GLB1: variants seen among roughly 807,000 people sequenced by gnomAD.
The protein encoded by GLB1 is galactosidase beta 1.
Under a neutral mutation model 74.0 loss-of-function variants are expected in GLB1, and 56 were observed. The observed-to-expected ratio is 0.76, with a 90% CI of 0.61 to 0.94. GLB1 has a LOEUF of 0.94. GLB1 is among the 40% of genes least tolerant of loss of function. The pLI is 0.00. For missense variants in GLB1, 787 were observed against 845.5 expected (o/e 0.93, Z 0.86); for synonymous variants, 323 against 323.6 (o/e 1.00, Z 0.02).
At chr3:33,061,694 T>A (rs904119468) in intron 5 of GLB1, 3 of 152,228 alleles carry the variant, frequency 2.0e-5, no homozygotes, top group Non-Finnish European at 2.9e-5. Context: ...TAAATAGGCT[T>A]ATTACCTCAT....
intron 6 of GLB1, among the ~76,000 whole-genome samples, 161 bp from the exon 7 acceptor site, chr3:33,053,710 T>G (rs935617182): frequency 6.6e-6 from 1 of 152,204 alleles, no homozygotes; most frequent in South Asian, 2.1e-4. Context: ...AAGATGATAG[T>G]ATTAACAGGT....
the GLB1 span, among the ~76,000 whole-genome samples, chr3:32,962,460 G>T: frequency 3.9e-5 from 6 of 152,126 alleles, no homozygotes; most frequent in African/African-American, 1.4e-4. Flanking sequence ...CCAGTTTTTT[G>T]GAAATCTAAA....
At chr3:32,999,081 T>A (rs1208589999) in intron 15 of GLB1, among the ~76,000 whole-genome samples, 2 of 152,164 alleles carry the variant, frequency 1.3e-5, no homozygotes, top group African/African-American at 4.8e-5. Context: ...AGTGAAAAGA[T>A]GTTGGTGTTC....
chr3:33,022,564 A>ATTTTTTGTTTTTTTTTTTTTTTTT (rs1697539804), intron 11 of GLB1, among the ~76,000 whole-genome samples: 1 of 63,746 alleles, frequency 1.6e-5, no homozygotes, highest in African/African-American at 5.1e-5. Flanking sequence ...ACTGGTTAGG[A>ATTTTTTGTTTTTTTTTTTTTTTTT]TTTTTTTTTT....
intron 2 of GLB1, among the ~76,000 whole-genome samples, chr3:33,070,484 GAC>G (rs1699850415): frequency 6.6e-6 from 1 of 152,102 alleles, no homozygotes; most frequent in Non-Finnish European, 1.5e-5. Context: ...ACTTCATGGG[GAC>G]ACTTCTTAAA....
At chr3:33,038,925 T>A (rs1204058195) in intron 10 of GLB1, among the ~76,000 whole-genome samples, 1 of 152,182 alleles carries the variant, frequency 6.6e-6, no homozygotes, top group Non-Finnish European at 1.5e-5. Context: ...CTTTCTTTTT[T>A]GTTTTATTGA....
At chr3:33,068,670 G>GC in intron 3 of GLB1, 150 bp downstream of exon 3, 1 of 1,458,656 alleles carries the variant, frequency 6.9e-7, no homozygotes, top group Non-Finnish European at 9.3e-7. Context: ...CTCTGCCTGG[G>GC]CACCTTGTCA....
chr3:33,067,063 C>T (rs77327976), intron 4 of GLB1, among the ~76,000 whole-genome samples: 9,290 of 145,808 alleles, frequency 0.064, 473 homozygotes, highest in East Asian at 0.25. Context: ...AATGCAATGG[C>T]GCAATCTGGG....
chr3:33,040,607 T>A (rs997651221), intron 10 of GLB1, among the ~76,000 whole-genome samples: 2 of 152,034 alleles, frequency 1.3e-5, no homozygotes, highest in South Asian at 4.1e-4. Flanking sequence ...AAACCCTGTC[T>A]CTAAGAACAA....
At position 33,045,268 on chromosome 3, in the gene GLB1, A is replaced by G. The variant is rs928204445; in HGVS notation, c.1068+852T>C. ...CTCTTTTTTTTTTTTAGGTAAATAA[A>G]TAATTATTGTTCATTTATTTGACTA... On this transcript the variant is annotated intron_variant, in intron 10 of 15. Coordinates refer to ENST00000307363, the MANE Select transcript of GLB1 (RefSeq NM_000404.4). 4 of 805,848 alleles carry G rather than the reference A, an allele frequency of 5.0e-6. No homozygotes were observed. The African/African-American group carries it at 7.5e-5, about 15-fold the overall frequency. The allele number at this position is 805,848 out of a possible 1,614,324, so 49.9% of individuals were successfully genotyped here.
At chr3:32,970,735 C>G in the GLB1 span, among the ~76,000 whole-genome samples, 1 of 152,134 alleles carries the variant, frequency 6.6e-6, no homozygotes, top group Non-Finnish European at 1.5e-5. Context: ...CAGCAAGACC[C>G]AAATCGCCCC....
chr3:33,083,479 G>A (rs1224809354), intron 1 of GLB1, among the ~76,000 whole-genome samples: 1 of 151,644 alleles, frequency 6.6e-6, no homozygotes, highest in Non-Finnish European at 1.5e-5. Flanking sequence ...TGCCTTCAGA[G>A]TGTATTCCCC....
intron 5 of GLB1, among the ~76,000 whole-genome samples, chr3:33,059,631 T>C (rs989174778): frequency 6.6e-6 from 1 of 152,148 alleles, no homozygotes; most frequent in Non-Finnish European, 1.5e-5. Flanking sequence ...CTGATGGTCA[T>C]AAGCGTCAGG....
chr3:33,012,961 C>T (rs1697090589), intron 15 of GLB1, among the ~76,000 whole-genome samples: 2 of 152,228 alleles, frequency 1.3e-5, no homozygotes. Flanking sequence ...CTTACCCAAA[C>T]CATTCTGCAC....
At chr3:33,013,783 C>T (rs1439550340) in intron 15 of GLB1, among the ~76,000 whole-genome samples, 2 of 152,146 alleles carry the variant, frequency 1.3e-5, no homozygotes, top group Non-Finnish European at 2.9e-5. Flanking sequence ...CCCCTATAAT[C>T]AGCATCAAAA....
chr3:32,995,417 G>T (rs1696291121), downstream of GLB1, among the ~76,000 whole-genome samples: 1 of 152,048 alleles, frequency 6.6e-6, no homozygotes, highest in Non-Finnish European at 1.5e-5. Flanking sequence ...AGTCCATGTA[G>T]CACCTCCTTC....
At chr3:33,060,232 G>A (rs905071837) in intron 5 of GLB1, among the ~76,000 whole-genome samples, 2 of 152,192 alleles carry the variant, frequency 1.3e-5, no homozygotes, top group African/African-American at 4.8e-5. Flanking sequence ...CAGATTTGGG[G>A]TTCAAGAAGT....
intron 10 of GLB1, chr3:33,030,427 C>T: frequency 1.1e-6 from 1 of 898,598 alleles, no homozygotes; most frequent in Non-Finnish European, 1.3e-6. Flanking sequence ...CTTTAAAAGA[C>T]TATTTAACAG....
At chr3:33,038,521 A>C (rs1184595199) in intron 10 of GLB1, among the ~76,000 whole-genome samples, 1 of 152,046 alleles carries the variant, frequency 6.6e-6, no homozygotes, top group Non-Finnish European at 1.5e-5. Flanking sequence ...GAAAGGAATT[A>C]AGTGGTTACA....
Sources: gnomAD v4.1 joint callset for allele counts (sites outside exome capture counted in the v4.1 genomes callset) on GRCh38, gnomAD v4.1.1 for gene constraint, MANE v1.5 for transcripts, NCBI Gene and HGNC (gene_info 2026-07-23, HGNC 2026-07-21) for gene names.